SLC71A2: variants seen among roughly 807,000 people sequenced by gnomAD.
SLC71A2 encodes solute carrier family 71 member 2.
chr9:94,415,096 A>T, the SLC71A2 span: 2 of 1,267,326 alleles, frequency 1.6e-6, no homozygotes, highest in African/African-American at 3.0e-5. Flanking sequence ...TTTCTATACC[A>T]TTTTAAGATA....
At chr9:94,429,904 A>ATT in the SLC71A2 span, among the ~76,000 whole-genome samples, 2 of 139,388 alleles carry the variant, frequency 1.4e-5, no homozygotes, top group South Asian at 2.3e-4. Flanking sequence ...CTCATTCTTT[A>ATT]TTTTATTTTT....
At chr9:94,380,321 T>G in the SLC71A2 span, among the ~76,000 whole-genome samples, 3 of 150,498 alleles carry the variant, frequency 2.0e-5, no homozygotes, top group Admixed American at 1.3e-4. Flanking sequence ...TCTCTTCCCC[T>G]TTTCCTCTTC....
the SLC71A2 span, among the ~76,000 whole-genome samples, chr9:94,442,395 CCT>C: frequency 6.6e-5 from 10 of 151,814 alleles, no homozygotes; most frequent in African/African-American, 1.9e-4. Flanking sequence ...TTCTACCTTC[CCT>C]CTCTCTCTCT....
At chr9:94,422,532 G>T in the SLC71A2 span, among the ~76,000 whole-genome samples, 2 of 152,068 alleles carry the variant, frequency 1.3e-5, no homozygotes, top group Non-Finnish European at 2.9e-5. Flanking sequence ...TATATATCTG[G>T]GAGTAAAATT....
the SLC71A2 span, among the ~76,000 whole-genome samples, chr9:94,442,621 T>TG: frequency 6.6e-6 from 1 of 151,862 alleles, no homozygotes; most frequent in African/African-American, 2.4e-5. Flanking sequence ...GAGGCTGAGG[T>TG]GGGGGCGGAT....
the SLC71A2 span, chr9:94,459,177 G>A: frequency 6.2e-7 from 1 of 1,613,714 alleles, no homozygotes; most frequent in Non-Finnish European, 8.5e-7. Context: ...GTCATCCCAG[G>A]CCCGCCGTTT....
the SLC71A2 span, among the ~76,000 whole-genome samples, chr9:94,375,241 C>T: frequency 2.0e-5 from 3 of 151,876 alleles, no homozygotes; most frequent in African/African-American, 4.9e-5. Context: ...GGCGCAGTTT[C>T]TCTCCAAGTC....
At chr9:94,400,205 GT>G in the SLC71A2 span, among the ~76,000 whole-genome samples, 1 of 151,886 alleles carries the variant, frequency 6.6e-6, no homozygotes, top group Admixed American at 6.6e-5. Flanking sequence ...AAACTGGGGA[GT>G]TTATGTACCG....
the SLC71A2 span, among the ~76,000 whole-genome samples, chr9:94,428,121 C>CAAA: frequency 1.6e-5 from 2 of 125,596 alleles, no homozygotes; most frequent in Non-Finnish European, 3.4e-5. Context: ...ACTCCATCTC[C>CAAA]AAAAAAAAAA....
the SLC71A2 span, chr9:94,459,272 C>T: frequency 6.2e-7 from 1 of 1,613,786 alleles, no homozygotes; most frequent in Non-Finnish European, 8.5e-7. Flanking sequence ...AGTTCAAAAA[C>T]ACAGTAACAG....
the SLC71A2 span, among the ~76,000 whole-genome samples, chr9:94,407,990 C>T: frequency 2.0e-5 from 3 of 152,138 alleles, no homozygotes; most frequent in Admixed American, 6.5e-5. Context: ...ACTGCAGTAT[C>T]ACAGTGCTTG....
At chr9:94,446,042 A>G in the SLC71A2 span, among the ~76,000 whole-genome samples, 1 of 152,162 alleles carries the variant, frequency 6.6e-6, no homozygotes, top group Non-Finnish European at 1.5e-5. Flanking sequence ...TTATGCATCA[A>G]AGCTCCTCTG....
the SLC71A2 span, among the ~76,000 whole-genome samples, chr9:94,424,727 C>CTTTTTTT: frequency 6.1e-4 from 56 of 91,824 alleles, no homozygotes; most frequent in East Asian, 3.0e-3. Flanking sequence ...TTGTTTTCTG[C>CTTTTTTT]TTTTTTTTTT....
chr9:94,407,594 G>A, the SLC71A2 span, among the ~76,000 whole-genome samples: 14 of 152,220 alleles, frequency 9.2e-5, no homozygotes, highest in Non-Finnish European at 2.1e-4. Flanking sequence ...GGCCAGGCTG[G>A]TGTCGAACTC....
At chr9:94,384,804 C>T in the SLC71A2 span, among the ~76,000 whole-genome samples, 1 of 151,982 alleles carries the variant, frequency 6.6e-6, no homozygotes, top group Admixed American at 6.6e-5. Context: ...ACTGTCAGGG[C>T]TATTGAAGAA....
At chr9:94,458,886 TAGGA>T in the SLC71A2 span, among the ~76,000 whole-genome samples, 1 of 152,304 alleles carries the variant, frequency 6.6e-6, no homozygotes, top group South Asian at 2.1e-4. Context: ...TCTGAAGTCA[TAGGA>T]TGGGATTATA....
At chr9:94,378,781 G>T in the SLC71A2 span, among the ~76,000 whole-genome samples, 2 of 152,006 alleles carry the variant, frequency 1.3e-5, no homozygotes, top group Non-Finnish European at 2.9e-5. Flanking sequence ...GAGATTTGGA[G>T]GAGACAGATA....
the SLC71A2 span, chr9:94,459,489 G>C: frequency 6.6e-7 from 1 of 1,524,752 alleles, no homozygotes; most frequent in South Asian, 1.2e-5. Flanking sequence ...TGACTTCATG[G>C]TGCTGGATGG....
chr9:94,439,988 T>C, the SLC71A2 span, among the ~76,000 whole-genome samples: 1 of 152,194 alleles, frequency 6.6e-6, no homozygotes, highest in African/African-American at 2.4e-5. Context: ...GCTTATTTTC[T>C]TCATATATAT....
Sources: gnomAD v4.1 joint callset for allele counts (sites outside exome capture counted in the v4.1 genomes callset) on GRCh38, gnomAD v4.1.1 for gene constraint, MANE v1.5 for transcripts, NCBI Gene and HGNC (gene_info 2026-07-23, HGNC 2026-07-21) for gene names.